Variants in ADAMTS1 observed in about 807,000 individuals in gnomAD.
ADAMTS1 encodes ADAM metallopeptidase with thrombospondin type 1 motif 1.
A neutral mutation model predicts 87.9 loss-of-function variants in ADAMTS1; 19 were observed. That is an observed-to-expected ratio of 0.22 (90% CI 0.15 to 0.32). The LOEUF is 0.32. ADAMTS1 is among the 10% of genes least tolerant of loss of function. The pLI, the probability that ADAMTS1 is intolerant of heterozygous loss-of-function variation, is 1.00. For synonymous variants in ADAMTS1, 542 were observed against 501.8 expected, an observed-to-expected ratio of 1.08 and a Z score of -1.07; for missense variants, 1,240 against 1,259.1, an observed-to-expected ratio of 0.98 and a Z score of 0.23.
At position 26,844,576 on chromosome 21, in the gene ADAMTS1, C is replaced by T. The variant is rs149819722; in HGVS notation, c.379G>A (p.Gly127Ser). The T allele has an allele frequency of 6.2e-7, 1 of 1,611,038 alleles. No individual in the cohort carries two copies. Residue 127 changes from glycine to serine, a missense_variant, in exon 1 of 9, where the codon GGC becomes AGC. This residue lies in a region of ADAMTS1 where 521 missense variants were observed against 449.7 expected (regional missense o/e 1.16). Transcript: ENST00000284984. ...ETDLAHCFYS[G>S]TVNGDPSSAA... Reference sequence around the variant, plus strand: ...GAGCTGGGATCGCCATTCACGGTGCCGGAGTAGAAGCAGTGCGCCAGGTCG... The same window carrying T: ...GAGCTGGGATCGCCATTCACGGTGCTGGAGTAGAAGCAGTGCGCCAGGTCG...
chr21:26,840,586 A>G (rs752575146), intron 4 of ADAMTS1, 24 bp from the exon 5 acceptor site: 1 of 1,609,310 alleles, frequency 6.2e-7, no homozygotes, highest in Admixed American at 1.7e-5. Flanking sequence ...GCCAACCAAT[A>G]TCAATACAGA....
chr21:26,837,812 C>T lies in ADAMTS1; in HGVS notation c.2671G>A (p.Glu891Lys), dbSNP rs777510150. 5.0e-6 allele frequency: 8 copies of T among 1,614,070 alleles called. No homozygotes were observed. In the South Asian group the frequency reaches 6.6e-5, roughly 13 times the overall value. Residue 891 changes from glutamate to lysine, a missense_variant, in exon 9 of 9, where the codon GAG becomes AAG. By Grantham distance (56) the Glu-to-Lys change is moderately conservative. Around this residue, in one of 3 missense-constraint regions of ADAMTS1, gnomAD observed 402 missense variants for 399.1 expected, o/e 1.01. Coordinates refer to ENST00000284984, the MANE Select transcript of ADAMTS1 (RefSeq NM_006988.5). ...GCTGGCTTCACTTCCTTTGCACACTCGGAAGCAGGCTGTCCATTAATGTCT... is the reference window on the plus strand; with the variant it reads ...GCTGGCTTCACTTCCTTTGCACACTTGGAAGCAGGCTGTCCATTAATGTCT... ...CRDINGQPAS[E>K]CAKEVKPAST...
chr21:26,840,071 G>A lies in ADAMTS1; in HGVS notation c.1666-10C>T. 2 of 1,610,928 alleles carry A rather than the reference G, an allele frequency of 1.2e-6. No individual in the cohort carries two copies. The highest frequency in any genetic ancestry group is 1.7e-6 in the Non-Finnish European group (2 of 1,178,982). On this transcript the variant is annotated splice_polypyrimidine_tract_variant and intron_variant, in intron 5 of 8. Coordinates refer to ENST00000284984, the MANE Select transcript of ADAMTS1 (RefSeq NM_006988.5). ...TTCCATGAAAAGGCGTCTAAATGGAGACATAAATCATCAGCATTAGAATTA... is the reference window on the plus strand; with the variant it reads ...TTCCATGAAAAGGCGTCTAAATGGAAACATAAATCATCAGCATTAGAATTA...
At position 26,837,878 on chromosome 21, in the gene ADAMTS1, A is replaced by G. The variant is rs763211244; in HGVS notation, c.2605T>C (p.Ser869Pro). 2 of 1,614,152 alleles carry G rather than the reference A, an allele frequency of 1.2e-6. No individual in the cohort carries two copies. Among genetic ancestry groups the G allele is most frequent in the Non-Finnish European group, 1.7e-6 (2 of 1,180,022 alleles). Residue 869 changes from serine to proline, a missense_variant, in exon 9 of 9, where the codon TCA becomes CCA. By Grantham distance (74) the Ser-to-Pro change is moderately conservative (BLOSUM62 -1). This residue lies in a region of ADAMTS1 where 402 missense variants were observed against 399.1 expected (regional missense o/e 1.01). Transcript: ENST00000284984. ...CTTCTCTGCCAACCCAATTCACATG[A>G]CTTAGAACATTCGCCCCACTCTTCA... The part of the protein sequence containing the change: ...VIEEWGECSK[S>P]CELGWQRRLV...
rs1985526422 is a variant in ADAMTS1 at position 26,842,923 on chromosome 21, G to A, written c.731-238C>T. The A allele has an allele frequency of 1.1e-5, 6 of 533,962 alleles. No homozygotes were observed. In the South Asian group the frequency reaches 1.4e-4, roughly 13 times the overall value. 33.1% of individuals were successfully genotyped at this position (533,962 alleles called of 1,614,324 possible). ...ATGGTCAGGATCTTTCTGTGTGTGA[G>A]CAGGATTTCTTCTGTTCTCTTTGAA... On this transcript the variant is annotated intron_variant, in intron 1 of 8. Transcript: ENST00000284984.
rs1224171813 is a variant in ADAMTS1 at position 26,835,789 on chromosome 21, C to G, written c.*1790G>C. 7.0e-6 allele frequency: 1 copy of G among 142,766 alleles called. No homozygotes were observed. The highest frequency in any genetic ancestry group is 1.6e-5 in the Non-Finnish European group (1 of 62,162). 8.8% of individuals were successfully genotyped at this position (142,766 alleles called of 1,614,324 possible). On this transcript the variant is annotated 3_prime_UTR_variant, in exon 9 of 9. Coordinates refer to ENST00000284984, the MANE Select transcript of ADAMTS1 (RefSeq NM_006988.5). ...TTTCCATTTAATTTATGGTATATACCAGGGTTGGCAAACTGAATCTGCAGA... is the reference window on the plus strand; with the variant it reads ...TTTCCATTTAATTTATGGTATATACGAGGGTTGGCAAACTGAATCTGCAGA...
In ADAMTS1 at chr21:26,839,614, A is replaced by C; in HGVS notation, c.2001T>G (p.Ile667Met). 1 of 1,606,824 alleles carries C rather than the reference A, an allele frequency of 6.2e-7. No homozygotes were observed. Among genetic ancestry groups the C allele is most frequent in the Non-Finnish European group, 8.5e-7 (1 of 1,174,376 alleles). ...TGGGCTGCAAAACGAAGAAGTAGCC[A>C]ATGCCTTTGGCTTGGCAGATGAGCT... Reference protein sequence around the residue: ...RCKLICQAKGIGYFFVLQPKV... With the variant: ...RCKLICQAKGMGYFFVLQPKV... Residue 667 changes from isoleucine (I) to methionine (M), a missense_variant, in exon 7 of 9, where the codon ATT becomes ATG. Transcript: ENST00000284984.
chr21:26,842,477 G>C lies in ADAMTS1; in HGVS notation c.939C>G (p.His313Gln). 6.2e-7 allele frequency: 1 copy of C among 1,614,048 alleles called. No individual in the cohort carries two copies. The highest frequency in any genetic ancestry group is 1.3e-5 in the African/African-American group (1 of 74,998). The change falls in exon 2 of 9, where the codon CAC becomes CAG. Residue 313 changes from histidine to glutamine, a missense_variant. Transcript: ENST00000284984. ...SLVVVKILVI[H>Q]DEQKGPEVTS... ...TCACTTCCGGCCCCTTCTGTTCATC[G>C]TGGATGACCAAGATCTTCACCACCA... is the stretch of plus-strand genomic sequence containing the variant.
At position 26,840,988 on chromosome 21, in the gene ADAMTS1, A is replaced by G; in HGVS notation, c.1378+10T>C. 1 of 1,610,562 alleles carries G rather than the reference A, an allele frequency of 6.2e-7. No individual in the cohort carries two copies. The highest frequency in any genetic ancestry group is 8.5e-7 in the Non-Finnish European group (1 of 1,177,020). The stretch of plus-strand genomic sequence containing the variant: ...GATGCCATCTAGAGAGAGTAGCTGG[A>G]ATATCTCACCATGACCATTATCCAG... On this transcript the variant is annotated intron_variant, in intron 4 of 8. Transcript: ENST00000284984.
chr21:26,835,923 G>T lies in ADAMTS1; in HGVS notation c.*1656C>A, dbSNP rs1222784763. The T allele has an allele frequency of 1.3e-5, 2 of 152,170 alleles. No homozygotes were observed. The highest frequency in any genetic ancestry group is 6.5e-5 in the Admixed American group (1 of 15,282). 9.4% of individuals were successfully genotyped at this position (152,170 alleles called of 1,614,324 possible). ...AGTTTTGTGCTACAACAGCACAGTT[G>T]AGCAGTTGTGACATAGATGGTATTG... On this transcript the variant is annotated 3_prime_UTR_variant, in exon 9 of 9. Transcript: ENST00000284984.
chr21:26,839,801 A>C (rs1244218755), intron 6 of ADAMTS1, 39 bp from the exon 7 acceptor site: 1 of 1,603,894 alleles, frequency 6.2e-7, no homozygotes, highest in Non-Finnish European at 8.5e-7. Flanking sequence ...TCAGTTTCCA[A>C]TCTTGAGCCA....
chr21:26,845,191 T>A lies in ADAMTS1; in HGVS notation c.-237A>T. Reference sequence around the variant, plus strand: ...TCTTCCAGCGCAAAGTTGGAGACACTGAGAGGCAGGCGCAGGCAGAGTGGC... The same window carrying A: ...TCTTCCAGCGCAAAGTTGGAGACACAGAGAGGCAGGCGCAGGCAGAGTGGC... On this transcript the variant is annotated 5_prime_UTR_variant, in exon 1 of 9. Coordinates refer to ENST00000284984, the MANE Select transcript of ADAMTS1 (RefSeq NM_006988.5). 2.2e-6 allele frequency: 1 copy of A among 455,878 alleles called. No individual in the cohort carries two copies. Among genetic ancestry groups the A allele is most frequent in the Non-Finnish European group, 3.6e-6 (1 of 277,492 alleles). 28.2% of individuals were successfully genotyped at this position (455,878 alleles called of 1,614,324 possible). A position where few individuals can be genotyped will look rare whatever the true frequency, so the allele number is the denominator to read the frequency against.
In ADAMTS1 at chr21:26,842,491, T is replaced by C; in HGVS notation, c.925A>G (p.Ile309Val). ...RNSVSLVVVK[I>V]LVIHDEQKGP... ...TTCTGTTCATCGTGGATGACCAAGATCTTCACCACCACCAGGCTAACTGAA... is the reference window on the plus strand; with the variant it reads ...TTCTGTTCATCGTGGATGACCAAGACCTTCACCACCACCAGGCTAACTGAA... The change falls in exon 2 of 9, where the codon ATC becomes GTC. Residue 309 changes from isoleucine (I) to valine (V), a missense_variant. Physicochemically the swap from Ile to Val is conservative, Grantham distance 29. Transcript: ENST00000284984. The C allele has an allele frequency of 6.2e-7, 1 of 1,614,120 alleles. No homozygotes were observed. Among genetic ancestry groups the C allele is most frequent in the Non-Finnish European group, 8.5e-7 (1 of 1,180,014 alleles).
rs1468848839 is a variant in ADAMTS1, at chr21:26,842,369, G to A, written c.1047C>T (p.His349=). ...TGGTGAAAAGAATTGCTGTGTCATA[G>A]TGCTCTGCATCCCGGTCACTGGGTG... The part of the protein sequence containing the change: ...HNPPSDRDAE[H]YDTAILFTRQ... The change falls in exon 2 of 9, where the codon CAC becomes CAT. Residue 349 remains histidine (H), a synonymous_variant. Transcript: ENST00000284984. 1.2e-6 allele frequency: 2 copies of A among 1,614,114 alleles called. No individual in the cohort carries two copies. Among genetic ancestry groups the A allele is most frequent in the African/African-American group, 2.7e-5 (2 of 75,044 alleles).
chr21:26,844,195 T>C (rs1488160859), intron 1 of ADAMTS1, 30 bp downstream of exon 1: 1 of 1,521,002 alleles, frequency 6.6e-7, no homozygotes, highest in Non-Finnish European at 8.8e-7. Context: ...GGAGGATGAA[T>C]GGACAGACAA....
rs1601920225 is a variant in ADAMTS1, at chr21:26,835,847, A to C, written c.*1732T>G. On this transcript the variant is annotated 3_prime_UTR_variant, in exon 9 of 9. Coordinates refer to ENST00000284984, the MANE Select transcript of ADAMTS1 (RefSeq NM_006988.5). ...TGACCCATTATTTGTTTTTGCAAGT[A>C]GTTTTTTTAGAACACAGCCATGTCC... 6.6e-6 allele frequency: 1 copy of C among 152,220 alleles called. No homozygotes were observed. Among genetic ancestry groups the C allele is most frequent in the East Asian group, 1.9e-4 (1 of 5,194 alleles). The allele number at this position is 152,220 out of a possible 1,614,324, so 9.4% of individuals were successfully genotyped here.
Position 26,842,565 on chromosome 21 carries a change from G to A in ADAMTS1, c.851C>T (p.Thr284Met), listed in dbSNP as rs752785022. 7.4e-6 allele frequency: 12 copies of A among 1,614,030 alleles called. No homozygotes were observed. Among genetic ancestry groups the A allele is most frequent in the African/African-American group, 5.3e-5 (4 of 74,918 alleles). ...CAATCTGGCTGCCACCGAAAACAAC[G>A]TGAGAAGGTAATGCTTTAGACCACT... ...HGSGLKHYLLTLFSVAARLYK... is the reference protein window; with the variant it reads ...HGSGLKHYLLMLFSVAARLYK... Residue 284 changes from threonine to methionine, a missense_variant, in exon 2 of 9, where the codon ACG (threonine) becomes ATG (methionine). By Grantham distance (81) the Thr-to-Met change is moderately conservative. Around this residue, in one of 3 missense-constraint regions of ADAMTS1, gnomAD observed 521 missense variants for 449.7 expected, o/e 1.16. Coordinates refer to ENST00000284984, the MANE Select transcript of ADAMTS1 (RefSeq NM_006988.5).
Position 26,845,055 on chromosome 21 carries a change from A to C in ADAMTS1, c.-101T>G. 7.6e-7 allele frequency: 1 copy of C among 1,317,688 alleles called. No homozygotes were observed. Among genetic ancestry groups the C allele is most frequent in the Non-Finnish European group, 9.7e-7 (1 of 1,026,236 alleles). 81.6% of individuals were successfully genotyped at this position (1,317,688 alleles called of 1,614,324 possible). A position where few individuals can be genotyped will look rare whatever the true frequency, so the allele number is the denominator to read the frequency against. ...TCGTTGGCCTGCTCTGGATTGTTAA[A>C]ATTAACAATTTCTATTATTCGTTGG... On this transcript the variant is annotated 5_prime_UTR_variant, in exon 1 of 9. The change creates a new upstream start codon in the 5' untranslated region. Transcript: ENST00000284984.
In ADAMTS1 at chr21:26,837,951, C is replaced by T; in HGVS notation, c.2532G>A (p.Lys844=). The change falls in exon 9 of 9, where the codon AAG becomes AAA. Residue 844 remains lysine, a synonymous_variant. Transcript: ENST00000284984. The part of the protein sequence containing the change: ...PKIKYTYFVK[K]KKESFNAIPT... ...GGATAGCATTGAAAGATTCCTTCTT[C>T]TTCTTTACGAAGTAGGTGTATTTAA... 5 of 1,614,212 alleles carry T rather than the reference C, an allele frequency of 3.1e-6. No homozygotes were observed. The highest frequency in any genetic ancestry group is 4.2e-6 in the Non-Finnish European group (5 of 1,180,036).
Sources: gnomAD v4.1 joint callset for allele counts on GRCh38, gnomAD v4.1.1 for gene constraint, gnomAD v4.1.1 regional missense constraint, MANE v1.5 for transcripts, NCBI Gene and HGNC (gene_info 2026-07-23, HGNC 2026-07-21) for gene names.